PRAG1: variants seen among roughly 807,000 people sequenced by gnomAD.
PRAG1 encodes PEAK1 related, kinase-activating pseudokinase 1.
In PRAG1, 110 loss-of-function variants were observed where a neutral mutation model predicts 95.6. The observed-to-expected ratio is 1.15, with a 90% CI of 0.99 to 1.35. The LOEUF is 1.35. Ranked by LOEUF, PRAG1 falls within the 40% of genes most tolerant of loss-of-function variation. The pLI is 0.00. For synonymous variants in PRAG1, 1,052 were observed against 819.4 expected (o/e 1.28, Z -4.85); for missense variants, 2,554 against 1,864.7 (o/e 1.37, Z -6.81).
intron 4 of PRAG1, among the ~76,000 whole-genome samples, chr8:8,333,657 G>T (rs1798891650): frequency 6.6e-6 from 1 of 152,204 alleles, no homozygotes. Flanking sequence ...CAAAATGAGA[G>T]CTGAGCTGAC....
chr8:8,343,739 A>T (rs928134637), intron 3 of PRAG1, among the ~76,000 whole-genome samples: 3 of 152,200 alleles, frequency 2.0e-5, no homozygotes, highest in Non-Finnish European at 4.4e-5. Flanking sequence ...CTGCTGTTGT[A>T]GCTGGAAAGC....
intron 4 of PRAG1, among the ~76,000 whole-genome samples, chr8:8,336,157 T>A (rs1367058030): frequency 6.6e-6 from 1 of 152,202 alleles, no homozygotes. Flanking sequence ...ATGGTTTCAG[T>A]TCAACAGAGA....
chr8:8,350,873 T>A (rs996168396), intron 3 of PRAG1, among the ~76,000 whole-genome samples: 1 of 151,968 alleles, frequency 6.6e-6, no homozygotes, highest in East Asian at 1.9e-4. Flanking sequence ...AACAGCACCA[T>A]GTACATAGAA....
intron 4 of PRAG1, among the ~76,000 whole-genome samples, chr8:8,329,278 A>G (rs1389137676): frequency 1.3e-5 from 2 of 152,048 alleles, no homozygotes; most frequent in East Asian, 1.9e-4. Flanking sequence ...CTATAATCCC[A>G]GCGACTAAGG....
At chr8:8,362,329 A>C (rs1237520886) in intron 3 of PRAG1, among the ~76,000 whole-genome samples, 2 of 152,046 alleles carry the variant, frequency 1.3e-5, no homozygotes, top group Admixed American at 6.5e-5. Flanking sequence ...ATTCACACAC[A>C]CTTTCAACTT....
intron 5 of PRAG1, among the ~76,000 whole-genome samples, chr8:8,323,959 A>G (rs961540776): frequency 6.6e-6 from 1 of 152,208 alleles, no homozygotes. Flanking sequence ...ATGAAGATGG[A>G]CGGTATTTAT....
chr8:8,349,472 C>T (rs541166365), intron 3 of PRAG1, among the ~76,000 whole-genome samples: 3 of 152,020 alleles, frequency 2.0e-5, no homozygotes, highest in African/African-American at 7.2e-5. Flanking sequence ...TTAGTAGAGA[C>T]GGGGTTTCAC....
chr8:8,384,783 C>T (rs866345216), intron 1 of PRAG1, among the ~76,000 whole-genome samples: 4 of 152,176 alleles, frequency 2.6e-5, no homozygotes, highest in African/African-American at 4.8e-5. Flanking sequence ...GAAGGCACTT[C>T]GCAGCCCACA....
At chr8:8,319,903 A>C (rs1798419424) in intron 5 of PRAG1, among the ~76,000 whole-genome samples, 1 of 152,264 alleles carries the variant, frequency 6.6e-6, no homozygotes, top group Non-Finnish European at 1.5e-5. Context: ...ATATCAGTTC[A>C]CGCCCACTAG....
In PRAG1 at chr8:8,377,619, G is replaced by C. The variant is rs767173385; in HGVS notation, c.790C>G (p.Pro264Ala). The change falls in exon 3 of 6, where the codon CCT becomes GCT. Residue 264 changes from proline to alanine, a missense_variant. By Grantham distance (27) the Pro-to-Ala change is conservative. Transcript: ENST00000615670. ...GTCTGGGAGGCAGCCTTGGCAACAG[G>C]GCTCCCAGGGCAGCAGTCCAGGATG... ...CSILDCCPGS[P>A]VAKAASQTAG... 6.2e-6 allele frequency: 10 copies of C among 1,613,184 alleles called. No homozygotes were observed. The highest frequency in any genetic ancestry group is 7.6e-6 in the Non-Finnish European group (9 of 1,179,930).
rs191121960 is a variant in PRAG1, at chr8:8,360,722, C to G, written c.2162+15525G>C. Among the ~76,000 whole-genome samples the G allele has an allele frequency of 1.5e-4, 23 of 152,354 alleles. No individual in the cohort carries two copies. In the East Asian group the frequency reaches 4.0e-3, roughly 27 times the overall value. ...ATCTGCATATTTTCTCATCTGTTCT[C>G]TTAGTCCAAGAATCTCATAGGTCCT... On this transcript the variant is annotated intron_variant, in intron 3 of 5. Transcript: ENST00000615670.
In PRAG1 at chr8:8,377,182, A is replaced by C. The variant is rs958900237; in HGVS notation, c.1227T>G (p.Pro409=). ...TGGTGCTCTCAGCATAGATGGGTTC[A>C]GGCTGTGTAGCCTCCCGGGGGTGGG... ...PPAHPREATQ[P]EPIYAESTKR... Residue 409 remains proline, a synonymous_variant, in exon 3 of 6, where the codon CCT becomes CCG. Transcript: ENST00000615670. 1 of 1,609,640 alleles carries C rather than the reference A, an allele frequency of 6.2e-7. No individual in the cohort carries two copies. The highest frequency in any genetic ancestry group is 1.3e-5 in the African/African-American group (1 of 74,870).
chr8:8,373,966 A>C (rs2979130), intron 3 of PRAG1, among the ~76,000 whole-genome samples: 29,801 of 152,050 alleles, frequency 0.2, 3,479 homozygotes, highest in Middle Eastern at 0.34. Flanking sequence ...CCAAGCCCCG[A>C]GATTCTTAAA....
At chr8:8,374,158 G>C (rs1224088310) in intron 3 of PRAG1, among the ~76,000 whole-genome samples, 2 of 152,074 alleles carry the variant, frequency 1.3e-5, no homozygotes, top group Non-Finnish European at 2.9e-5. Flanking sequence ...ACAATAGCAG[G>C]GTGTTATCAA....
At chr8:8,341,323 C>T (rs1799155806) in intron 3 of PRAG1, among the ~76,000 whole-genome samples, 1 of 152,076 alleles carries the variant, frequency 6.6e-6, no homozygotes, top group Non-Finnish European at 1.5e-5. Flanking sequence ...TATATATATT[C>T]ATATACATAT....
chr8:8,371,004 G>GCGCGC (rs1800178486), intron 3 of PRAG1, among the ~76,000 whole-genome samples: 1 of 151,832 alleles, frequency 6.6e-6, no homozygotes. Flanking sequence ...CATGCGTGGT[G>GCGCGC]GCGCACCTGT....
At chr8:8,337,483 A>G (rs748271548) in intron 4 of PRAG1, among the ~76,000 whole-genome samples, 12 of 152,078 alleles carry the variant, frequency 7.9e-5, no homozygotes, top group Non-Finnish European at 1.6e-4. Context: ...AGAGAGAGAG[A>G]GAGAAAGAGA....
chr8:8,381,126 A>G (rs1189508289), intron 2 of PRAG1, among the ~76,000 whole-genome samples: 1 of 152,188 alleles, frequency 6.6e-6, no homozygotes, highest in African/African-American at 2.4e-5. Flanking sequence ...ATCAACTAAG[A>G]AAATTTAAAA....
chr8:8,335,379 C>T (rs1180565646), intron 4 of PRAG1, among the ~76,000 whole-genome samples: 1 of 151,830 alleles, frequency 6.6e-6, no homozygotes, highest in African/African-American at 2.4e-5. Context: ...TTGAAAGGCC[C>T]CAAGATAAAG....
Sources: allele counts gnomAD v4.1 joint callset (sites outside exome capture counted in the v4.1 genomes callset), GRCh38; gene constraint gnomAD v4.1.1; transcripts MANE v1.5; gene names NCBI Gene and HGNC (gene_info 2026-07-23, HGNC 2026-07-21).